CNTN4: variants seen among roughly 807,000 people sequenced by gnomAD.
CNTN4 encodes the protein contactin 4.
CNTN4 carries 77 observed loss-of-function variants against 122.5 expected under a neutral mutation model. The observed-to-expected ratio is 0.63, with a 90% confidence interval of 0.52 to 0.76. CNTN4 has a LOEUF of 0.76. Ranked by LOEUF, CNTN4 falls within the 30% of genes least tolerant of loss-of-function variation. The pLI is 0.00. For synonymous variants in CNTN4, 512 were observed against 447.0 expected (o/e 1.15, Z -1.83); for missense variants, 1,256 against 1,259.1 (o/e 1.00, Z 0.04).
At chr3:2,551,003 A>T (rs1047435122) in intron 3 of CNTN4, among the ~76,000 whole-genome samples, 5 of 152,220 alleles carry the variant, frequency 3.3e-5, no homozygotes, top group South Asian at 2.1e-4. Context: ...CCTAATGTAG[A>T]TGACAGGTTG....
chr3:2,730,325 T>C (rs1340829923), intron 4 of CNTN4, among the ~76,000 whole-genome samples: 1 of 152,232 alleles, frequency 6.6e-6, no homozygotes, highest in Non-Finnish European at 1.5e-5. Flanking sequence ...AGCACAGGTG[T>C]CACTATCTCA....
intron 4 of CNTN4, among the ~76,000 whole-genome samples, chr3:2,590,490 C>G (rs2600299): frequency 2.0e-5 from 3 of 151,376 alleles, no homozygotes; most frequent in Admixed American, 6.6e-5. Flanking sequence ...CTCCTAACCT[C>G]AAGTGATCTG....
At position 2,584,917 on chromosome 3, in the gene CNTN4, GTAGATAGA is replaced by G. The variant is rs760860047; in HGVS notation, c.55+13380_55+13387del. The stretch of plus-strand genomic sequence containing the variant: ...AGTAGGAAGGTAGGTAGGTAGGTAG[GTAGATAGA>G]TAGATAGATAGATAGATAGACAGAA... On this transcript the variant is annotated intron_variant, in intron 4 of 24. Coordinates refer to ENST00000418658, the MANE Select transcript of CNTN4 (RefSeq NM_175607.3). Among the ~76,000 whole-genome samples the G allele has an allele frequency of 4.6e-4, 69 of 151,264 alleles. No homozygotes were observed. In the South Asian group the frequency reaches 0.011, roughly 24 times the overall value.
intron 11 of CNTN4, among the ~76,000 whole-genome samples, chr3:2,902,627 T>G (rs1223527273): frequency 6.6e-6 from 1 of 152,210 alleles, no homozygotes; most frequent in Non-Finnish European, 1.5e-5. Flanking sequence ...GCTCCACTAT[T>G]AAATCAATGA....
At chr3:2,125,802 C>T (rs992555729) in intron 2 of CNTN4, among the ~76,000 whole-genome samples, 17 of 151,906 alleles carry the variant, frequency 1.1e-4, no homozygotes, top group Non-Finnish European at 1.5e-4. Context: ...GTGATCCGCC[C>T]GCCTCAGCCT....
chr3:3,056,071 T>C (rs774082265), intron 24 of CNTN4, 49 bp from the exon 25 acceptor site: 2 of 1,479,338 alleles, frequency 1.4e-6, no homozygotes, highest in Non-Finnish European at 1.9e-6. Flanking sequence ...CCTCTTCCCT[T>C]TGAAGCCGGG....
At chr3:2,615,794 C>A (rs368657922) in intron 4 of CNTN4, among the ~76,000 whole-genome samples, 1 of 152,200 alleles carries the variant, frequency 6.6e-6, no homozygotes, top group Non-Finnish European at 1.5e-5. Flanking sequence ...GCTAGATATA[C>A]CTAGCCTTTA....
intron 2 of CNTN4, among the ~76,000 whole-genome samples, chr3:2,223,938 T>C (rs1317257838): frequency 3.3e-5 from 5 of 151,994 alleles, no homozygotes; most frequent in Non-Finnish European, 7.4e-5. Flanking sequence ...CACAAAGGGA[T>C]AGGAATTTGG....
intron 3 of CNTN4, among the ~76,000 whole-genome samples, chr3:2,568,877 C>T (rs983671619): frequency 5.3e-5 from 8 of 152,180 alleles, no homozygotes; most frequent in African/African-American, 1.9e-4. Flanking sequence ...AAATCTTTAT[C>T]AGGTAATTGG....
intron 5 of CNTN4, among the ~76,000 whole-genome samples, chr3:2,742,086 T>G (rs2089486949): frequency 6.6e-6 from 1 of 152,174 alleles, no homozygotes; most frequent in African/African-American, 2.4e-5. Flanking sequence ...TCAAGTATTT[T>G]CAGACACCTT....
intron 7 of CNTN4, among the ~76,000 whole-genome samples, chr3:2,842,470 A>T (rs915824568): frequency 6.6e-6 from 1 of 151,918 alleles, no homozygotes; most frequent in African/African-American, 2.4e-5. Context: ...TCCCTGCTAC[A>T]TCACTCCTAC....
chr3:2,369,667 C>A (rs1292928662), intron 3 of CNTN4, among the ~76,000 whole-genome samples: 1 of 152,024 alleles, frequency 6.6e-6, no homozygotes, highest in Non-Finnish European at 1.5e-5. Context: ...CTTCCTTCCT[C>A]CTGCTTGGAA....
At chr3:2,785,632 G>A (rs1405106825) in intron 6 of CNTN4, among the ~76,000 whole-genome samples, 16 of 152,212 alleles carry the variant, frequency 1.1e-4, no homozygotes, top group African/African-American at 3.6e-4. Flanking sequence ...TTTTGTGATA[G>A]ATGGGAACTG....
intron 6 of CNTN4, among the ~76,000 whole-genome samples, chr3:2,817,513 A>C (rs1466565971): frequency 6.6e-6 from 1 of 152,240 alleles, no homozygotes; most frequent in East Asian, 1.9e-4. Flanking sequence ...TAAAACTTGT[A>C]GAAGTGAATG....
intron 4 of CNTN4, among the ~76,000 whole-genome samples, chr3:2,628,158 C>T (rs1478254739): frequency 6.6e-6 from 1 of 152,164 alleles, no homozygotes; most frequent in Non-Finnish European, 1.5e-5. Context: ...CCTTATAAAC[C>T]ACAAATGCCT....
intron 13 of CNTN4, among the ~76,000 whole-genome samples, chr3:2,967,991 T>G (rs1692499398): frequency 2.0e-5 from 3 of 152,124 alleles, no homozygotes; most frequent in Non-Finnish European, 4.4e-5. Context: ...ATGACCATTT[T>G]CAGTTGAAAG....
intron 5 of CNTN4, among the ~76,000 whole-genome samples, chr3:2,741,963 A>G (rs1559453400): frequency 6.6e-6 from 1 of 152,248 alleles, no homozygotes; most frequent in African/African-American, 2.4e-5. Context: ...ATTGCAGTAT[A>G]CTTCTTGCCT....
intron 2 of CNTN4, among the ~76,000 whole-genome samples, chr3:2,336,793 G>C (rs2043971744): frequency 6.6e-6 from 1 of 152,084 alleles, no homozygotes; most frequent in Non-Finnish European, 1.5e-5. Flanking sequence ...TGTGGATCAG[G>C]AGTAAGGATG....
chr3:2,971,722 A>G (rs1339732839), intron 13 of CNTN4, among the ~76,000 whole-genome samples: 1 of 152,214 alleles, frequency 6.6e-6, no homozygotes, highest in African/African-American at 2.4e-5. Flanking sequence ...TTTCAGATCC[A>G]TAAAAACTTT....
Sources: gnomAD v4.1 joint callset for allele counts (sites outside exome capture counted in the v4.1 genomes callset) on GRCh38, gnomAD v4.1.1 for gene constraint, MANE v1.5 for transcripts, NCBI Gene and HGNC (gene_info 2026-07-23, HGNC 2026-07-21) for gene names.